The following GPC3 variants were observed in gnomAD, a reference collection of about 807,000 sequenced individuals.
The protein encoded by GPC3 is glypican-3.
GPC3 carries 3 observed loss-of-function variants against 34.4 expected under a neutral mutation model. The observed-to-expected ratio is 0.09, with a 90% CI of 0.04 to 0.23. GPC3 has a LOEUF of 0.23. Among genes scored for constraint, GPC3 ranks in the 10% least tolerant of loss-of-function variants. The pLI, the probability that GPC3 is intolerant of heterozygous loss-of-function variation, is 1.00. For synonymous variants in GPC3, 177 were observed against 174.0 expected (o/e 1.02, Z -0.13); for missense variants, 351 against 445.6 (o/e 0.79, Z 1.91).
intron 3 of GPC3, among the ~76,000 whole-genome samples, chrX:133,721,108 G>GA (rs372717148): frequency 0.058 from 5,640 of 97,211 alleles, 414 homozygotes; most frequent in African/African-American, 0.19. Flanking sequence ...TAAGAAACTA[G>GA]AAAAAAAAAA....
chrX:133,830,450 G>A (rs1157320922), intron 2 of GPC3, among the ~76,000 whole-genome samples: 2 of 110,581 alleles, frequency 1.8e-5, no homozygotes, highest in Non-Finnish European at 1.9e-5. Context: ...AGGCTGAGGC[G>A]GGCAGACCAC....
intron 2 of GPC3, among the ~76,000 whole-genome samples, chrX:133,824,246 G>T (rs1427073545): frequency 1.8e-5 from 2 of 111,412 alleles, no homozygotes; most frequent in Non-Finnish European, 3.8e-5. Flanking sequence ...AAATGTAAAT[G>T]GTCTAACAAT....
intron 5 of GPC3, among the ~76,000 whole-genome samples, chrX:133,664,478 A>G (rs2070752669): frequency 9.0e-6 from 1 of 111,151 alleles, no homozygotes; most frequent in Non-Finnish European, 1.9e-5. Context: ...GCGGCTTTAA[A>G]AAGCTGGACT....
intron 5 of GPC3, among the ~76,000 whole-genome samples, chrX:133,688,920 A>G (rs1026243526): frequency 1.8e-5 from 2 of 111,661 alleles, no homozygotes; most frequent in Non-Finnish European, 3.8e-5. Context: ...ATATTATTAA[A>G]GGTATATTCC....
chrX:133,866,358 G>A (rs1603262886), intron 2 of GPC3, among the ~76,000 whole-genome samples: 1 of 111,756 alleles, frequency 8.9e-6, no homozygotes, highest in East Asian at 2.8e-4. Context: ...TCCTTCAGCA[G>A]TTACCTATGG....
intron 2 of GPC3, among the ~76,000 whole-genome samples, chrX:133,873,235 A>G (rs188923444): frequency 6.2e-5 from 7 of 112,038 alleles, no homozygotes; most frequent in Non-Finnish European, 7.5e-5. Flanking sequence ...GTTTACTACA[A>G]AAGTTAAACT....
chrX:133,609,166 T>C (rs2070081606), intron 6 of GPC3, among the ~76,000 whole-genome samples: 1 of 112,335 alleles, frequency 8.9e-6, no homozygotes. Flanking sequence ...AACTGGGACA[T>C]ATCCTAAAAC....
At chrX:133,939,824 A>C (rs995726064) in intron 2 of GPC3, among the ~76,000 whole-genome samples, 3 of 111,706 alleles carry the variant, frequency 2.7e-5, no homozygotes, top group Non-Finnish European at 3.8e-5. Flanking sequence ...ATAATGAAAG[A>C]GCCCAAGGGT....
At chrX:133,547,738 G>A (rs767936164) in intron 7 of GPC3, among the ~76,000 whole-genome samples, 16 of 110,297 alleles carry the variant, frequency 1.5e-4, no homozygotes, top group Admixed American at 1.2e-3. Flanking sequence ...TGGTGTGATC[G>A]TAGCTCACTG....
intron 7 of GPC3, among the ~76,000 whole-genome samples, chrX:133,594,314 A>C (rs1165210914): frequency 9.0e-6 from 1 of 111,272 alleles, no homozygotes; most frequent in Non-Finnish European, 1.9e-5. Context: ...GTGAAGTCAG[A>C]AATGATTAAT....
chrX:133,847,305 T>C (rs908141523), intron 2 of GPC3, among the ~76,000 whole-genome samples: 6 of 111,922 alleles, frequency 5.4e-5, no homozygotes, highest in African/African-American at 1.9e-4. Flanking sequence ...ACAGATATCT[T>C]TTTAAAAAAA....
intron 1 of GPC3, among the ~76,000 whole-genome samples, chrX:133,981,959 G>A (rs776868209): frequency 1.5e-4 from 17 of 111,536 alleles, no homozygotes; most frequent in African/African-American, 6.5e-5. Flanking sequence ...ACACTACCAC[G>A]GTTTGTTTGA....
intron 7 of GPC3, among the ~76,000 whole-genome samples, chrX:133,575,584 G>A (rs2069671835): frequency 8.9e-6 from 1 of 111,758 alleles, no homozygotes; most frequent in African/African-American, 3.3e-5. Flanking sequence ...ACAGCACATG[G>A]GGCCTCTAGC....
chrX:133,645,387 T>C (rs2070531737), intron 6 of GPC3, among the ~76,000 whole-genome samples: 1 of 111,751 alleles, frequency 8.9e-6, no homozygotes, highest in African/African-American at 3.3e-5. Flanking sequence ...TCATGTTCTC[T>C]TCCTTGTTGG....
At chrX:133,869,930 A>G (rs138315704) in intron 2 of GPC3, among the ~76,000 whole-genome samples, 8,273 of 112,227 alleles carry the variant, frequency 0.074, 436 homozygotes, top group Admixed American at 0.29. Context: ...ACTCCAGCCT[A>G]GGCGATAGAG....
intron 3 of GPC3, among the ~76,000 whole-genome samples, chrX:133,747,162 G>A (rs1032246834): frequency 1.8e-5 from 2 of 111,776 alleles, no homozygotes; most frequent in Admixed American, 9.5e-5. Context: ...CTGGAGATCT[G>A]ATGTTCTTCT....
At chrX:133,578,469 G>A (rs1013926334) in intron 7 of GPC3, among the ~76,000 whole-genome samples, 1 of 111,729 alleles carries the variant, frequency 9.0e-6, no homozygotes, top group Non-Finnish European at 1.9e-5. Context: ...TGGGTGGATC[G>A]TTTGAGCCCA....
At chrX:133,658,403 T>C (rs1000677565) in intron 6 of GPC3, among the ~76,000 whole-genome samples, 4 of 112,011 alleles carry the variant, frequency 3.6e-5, no homozygotes, top group Admixed American at 9.5e-5. Context: ...TGGATTTTTT[T>C]CCTAAGCAGT....
At chrX:133,979,508 ATCT>A (rs2076529394) in intron 1 of GPC3, among the ~76,000 whole-genome samples, 2 of 111,919 alleles carry the variant, frequency 1.8e-5, no homozygotes, top group Non-Finnish European at 3.8e-5. Flanking sequence ...ACAGAACTAA[ATCT>A]TCTTTACTTT....
Sources: allele counts gnomAD v4.1 joint callset (sites outside exome capture counted in the v4.1 genomes callset), GRCh38; gene constraint gnomAD v4.1.1; transcripts MANE v1.5; gene names NCBI Gene and HGNC (gene_info 2026-07-23, HGNC 2026-07-21).